The following UNC13C variants were observed in gnomAD, a reference collection of about 807,000 sequenced individuals.
The protein encoded by UNC13C is unc-13 homolog C.
UNC13C carries 174 observed loss-of-function variants against 245.4 expected under a neutral mutation model. The observed-to-expected ratio is 0.71, with a 90% confidence interval of 0.63 to 0.80. The LOEUF is 0.80. Ranked by LOEUF, UNC13C falls within the 30% of genes least tolerant of loss-of-function variation. The probability of loss-of-function intolerance (pLI) is 0.00; values close to 1 mark genes in which losing one functional copy is unlikely to be tolerated. For missense variants in UNC13C, 2,829 were observed against 2,602.9 expected (o/e 1.09, Z -1.89); for synonymous variants, 992 against 895.1 (o/e 1.11, Z -1.93).
chr15:53,867,407 T>C, the UNC13C span, among the ~76,000 whole-genome samples: 1 of 152,200 alleles, frequency 6.6e-6, no homozygotes, highest in Admixed American at 6.5e-5. Flanking sequence ...ACTTAAGCCC[T>C]TCTTAGGGAG....
intron 30 of UNC13C, among the ~76,000 whole-genome samples, chr15:54,593,818 T>C (rs1002895133): frequency 6.6e-6 from 1 of 152,210 alleles, no homozygotes; most frequent in Admixed American, 6.5e-5. Flanking sequence ...CCTCCTGAAT[T>C]CTTTTTCAGG....
chr15:54,632,862 C>G (rs1447331526), downstream of UNC13C: 2 of 152,142 alleles, frequency 1.3e-5, no homozygotes, highest in Admixed American at 1.3e-4. Context: ...ACTTCTCACT[C>G]TCTATAAAAA....
In UNC13C at chr15:54,300,241, C is replaced by G. The variant is rs749346155; in HGVS notation, c.4136C>G (p.Ser1379Cys). The G allele has an allele frequency of 1.2e-6, 2 of 1,600,316 alleles. No individual in the cohort carries two copies. The highest frequency in any genetic ancestry group is 1.1e-5 in the South Asian group (1 of 88,306). Residue 1379 changes from serine (S) to cysteine (C), a missense_variant, in exon 13 of 33, where the codon TCT becomes TGT. Coordinates refer to ENST00000260323, the MANE Select transcript of UNC13C (RefSeq NM_001080534.3). ...NLFHYLTEVK[S>C]NGGVKIPEVK... ...TTCCATTACTTGACTGAAGTGAAAT[C>G]TAATGGTGGAGTGAAAATCCCAGAA...
intron 2 of UNC13C, among the ~76,000 whole-genome samples, chr15:54,040,646 C>A (rs1357048861): frequency 6.6e-6 from 1 of 152,130 alleles, no homozygotes; most frequent in Non-Finnish European, 1.5e-5. Context: ...TTCCAGCTTG[C>A]CCCAAGTACT....
intron 4 of UNC13C, among the ~76,000 whole-genome samples, chr15:54,179,273 A>T (rs1161624140): frequency 2.6e-5 from 4 of 152,154 alleles, no homozygotes; most frequent in African/African-American, 9.7e-5. Flanking sequence ...ATAAGCAAGA[A>T]AATGTGGCTG....
At chr15:54,295,518 C>A (rs2037404878) in intron 11 of UNC13C, among the ~76,000 whole-genome samples, 1 of 151,776 alleles carries the variant, frequency 6.6e-6, no homozygotes, top group Non-Finnish European at 1.5e-5. Context: ...AAGCATGGTG[C>A]CATGTGCCTG....
At chr15:54,455,205 CTATATATATATATATATATA>C (rs1214014395) in intron 19 of UNC13C, among the ~76,000 whole-genome samples, 1 of 18,974 alleles carries the variant, frequency 5.3e-5, no homozygotes, top group Non-Finnish European at 9.2e-5. Flanking sequence ...CTCTCTCTCT[CTATATATATATATATATATA>C]TATATATATA....
At chr15:54,112,235 TGTGGAGTGAGGTTAAGAG>T (rs1271904753) in intron 2 of UNC13C, among the ~76,000 whole-genome samples, 1 of 151,998 alleles carries the variant, frequency 6.6e-6, no homozygotes, top group African/African-American at 2.4e-5. Flanking sequence ...CATGAACACT[TGTGGAGTGAGGTTAAGAG>T]CCGAGGTTTA....
At chr15:54,390,316 A>C (rs1187674450) in intron 17 of UNC13C, among the ~76,000 whole-genome samples, 1 of 152,166 alleles carries the variant, frequency 6.6e-6, no homozygotes, top group Non-Finnish European at 1.5e-5. Context: ...TATACATCCC[A>C]TCAGCTTGTC....
chr15:54,273,309 A>G (rs986157085), intron 10 of UNC13C, among the ~76,000 whole-genome samples: 3 of 152,056 alleles, frequency 2.0e-5, no homozygotes, highest in African/African-American at 7.2e-5. Flanking sequence ...CTGTTTTTCC[A>G]TCTTTCCATT....
chr15:54,201,137 A>T (rs1231174435), intron 4 of UNC13C, among the ~76,000 whole-genome samples: 1 of 152,058 alleles, frequency 6.6e-6, no homozygotes, highest in Non-Finnish European at 1.5e-5. Context: ...CTCTGAACAG[A>T]CCAATAACAA....
chr15:53,909,441 G>C, the UNC13C span, among the ~76,000 whole-genome samples: 3 of 146,804 alleles, frequency 2.0e-5, no homozygotes, highest in African/African-American at 7.3e-5. Flanking sequence ...GAGGAGACAG[G>C]CTCAAGAAGG....
At chr15:54,321,693 A>C in intron 13 of UNC13C, 1 of 435,340 alleles carries the variant, frequency 2.3e-6, no homozygotes, top group East Asian at 4.8e-5. Flanking sequence ...GGAGACTTTA[A>C]CAATGCTTTC....
chr15:54,074,572 G>A (rs1412816717), intron 2 of UNC13C, among the ~76,000 whole-genome samples: 1 of 152,118 alleles, frequency 6.6e-6, no homozygotes, highest in Non-Finnish European at 1.5e-5. Context: ...GTGGTTTGTA[G>A]TTCTCCTTGA....
chr15:54,459,343 G>T (rs934395343), intron 19 of UNC13C, among the ~76,000 whole-genome samples: 1 of 152,008 alleles, frequency 6.6e-6, no homozygotes, highest in African/African-American at 2.4e-5. Context: ...CCTTCATCTT[G>T]ACTTTAGGTA....
At chr15:54,247,230 C>T (rs2036014733) in intron 7 of UNC13C, among the ~76,000 whole-genome samples, 1 of 152,136 alleles carries the variant, frequency 6.6e-6, no homozygotes, top group Admixed American at 6.6e-5. Context: ...CCATCAATAG[C>T]AAATTTTGGG....
At chr15:53,853,846 T>C in the UNC13C span, among the ~76,000 whole-genome samples, 1 of 152,154 alleles carries the variant, frequency 6.6e-6, no homozygotes, top group South Asian at 2.1e-4. Context: ...GGGTTGTTTG[T>C]TTTTTTCTTG....
At chr15:54,263,338 C>T (rs369105404) in intron 8 of UNC13C, among the ~76,000 whole-genome samples, 1 of 152,000 alleles carries the variant, frequency 6.6e-6, no homozygotes, top group Non-Finnish European at 1.5e-5. Flanking sequence ...AATCATGGTC[C>T]GTTATTAACT....
At position 54,517,655 on chromosome 15, in the gene UNC13C, G is replaced by A. The variant is rs181262340; in HGVS notation, c.5457+5825G>A. Among the ~76,000 whole-genome samples the A allele has an allele frequency of 9.2e-5, 14 of 152,186 alleles. No homozygotes were observed. In the East Asian group the frequency reaches 1.4e-3, roughly 15 times the overall value. On this transcript the variant is annotated intron_variant, in intron 24 of 32. Transcript: ENST00000260323. Reference sequence around the variant, plus strand: ...ATATGATGACAGAATTTACTCCTTCGCTAATTCATTCAACAAATATTTATT... The same window carrying A: ...ATATGATGACAGAATTTACTCCTTCACTAATTCATTCAACAAATATTTATT...
Sources: gnomAD v4.1 joint callset for allele counts (sites outside exome capture counted in the v4.1 genomes callset) on GRCh38, gnomAD v4.1.1 for gene constraint, MANE v1.5 for transcripts, NCBI Gene and HGNC (gene_info 2026-07-23, HGNC 2026-07-21) for gene names.